Variants in DNAH10 observed in about 807,000 individuals in gnomAD.
DNAH10 encodes the protein axonemal beta dynein heavy chain 10.
In DNAH10, 348 loss-of-function variants were observed where a neutral mutation model predicts 506.6. That is an observed-to-expected ratio of 0.69 (90% CI 0.63 to 0.75). DNAH10 has a LOEUF of 0.75. Among genes scored for constraint, DNAH10 ranks in the 30% least tolerant of loss-of-function variants. The probability of loss-of-function intolerance (pLI) is 0.00; values close to 1 mark genes in which losing one functional copy is unlikely to be tolerated. For synonymous variants in DNAH10, 2,059 were observed against 2,198.6 expected, an observed-to-expected ratio of 0.94 and a Z score of 1.78; for missense variants, 5,179 against 5,787.1, an observed-to-expected ratio of 0.89 and a Z score of 3.41.
At chr12:123,833,685 T>C (rs1459751811) in intron 27 of DNAH10, among the ~76,000 whole-genome samples, 1 of 152,254 alleles carries the variant, frequency 6.6e-6, no homozygotes, top group African/African-American at 2.4e-5. Flanking sequence ...CATACTTATT[T>C]TACATTCCTT....
chr12:123,770,815 G>A (rs1205257586), intron 2 of DNAH10, among the ~76,000 whole-genome samples: 1 of 152,038 alleles, frequency 6.6e-6, no homozygotes, highest in Non-Finnish European at 1.5e-5. Context: ...TGTTCTGAGG[G>A]CTCAGACTTG....
At chr12:123,867,774 T>C in intron 42 of DNAH10, 129 bp from the exon 43 acceptor site, 1 of 1,319,490 alleles carries the variant, frequency 7.6e-7, no homozygotes, top group East Asian at 2.5e-5. Flanking sequence ...GGGTTCCATC[T>C]GTCTGAACCA....
Position 123,826,706 on chromosome 12 carries a change from C to G in DNAH10, c.4199C>G (p.Ser1400Cys). ...EGLKVAKEEWSQTLWINLNVQ... is the reference protein window; with the variant it reads ...EGLKVAKEEWCQTLWINLNVQ... ...TTCCAGGTTGCAAAAGAAGAATGGT[C>G]TCAGACCCTTTGGATCAACCTGAAT... The change falls in exon 25 of 79, where the codon TCT (serine) becomes TGT (cysteine). Residue 1400 changes from serine (S) to cysteine (C), a missense_variant. This residue lies in a region of DNAH10 where 4,844 missense variants were observed against 5,430.5 expected (regional missense o/e 0.89). Coordinates refer to ENST00000673944, the MANE Select transcript of DNAH10 (RefSeq NM_001372106.1). The G allele has an allele frequency of 1.2e-6, 2 of 1,613,574 alleles. No individual in the cohort carries two copies. The highest frequency in any genetic ancestry group is 1.7e-6 in the Non-Finnish European group (2 of 1,179,722).
At position 123,819,067 on chromosome 12, in the gene DNAH10, G is replaced by A; in HGVS notation, c.3897+1G>A. The A allele has an allele frequency of 6.3e-7, 1 of 1,599,662 alleles. No individual in the cohort carries two copies. On this transcript the variant is annotated splice_donor_variant, in intron 22 of 78. Coordinates refer to ENST00000673944, the MANE Select transcript of DNAH10 (RefSeq NM_001372106.1). LOFTEE classifies it high-confidence loss of function. Reference sequence around the variant, plus strand: ...GGACATAAAGAGAACTTTCACAGAGGTACCTTTTAAATTTCACTTCCTGAG... The same window carrying A: ...GGACATAAAGAGAACTTTCACAGAGATACCTTTTAAATTTCACTTCCTGAG...
At chr12:123,897,539 A>G (rs1320334098) in intron 54 of DNAH10, among the ~76,000 whole-genome samples, 3 of 152,160 alleles carry the variant, frequency 2.0e-5, no homozygotes, top group Non-Finnish European at 4.4e-5. Flanking sequence ...CCTGGGCAAC[A>G]TGGGTGAAAC....
At chr12:123,794,365 T>C (rs560059591) in intron 12 of DNAH10, among the ~76,000 whole-genome samples, 4 of 152,352 alleles carry the variant, frequency 2.6e-5, no homozygotes, top group Admixed American at 1.3e-4. Context: ...GTAATAATCA[T>C]GGTAGTAATA....
intron 17 of DNAH10, among the ~76,000 whole-genome samples, chr12:123,804,044 C>A (rs931062873): frequency 1.3e-5 from 2 of 152,146 alleles, no homozygotes; most frequent in East Asian, 3.9e-4. Context: ...TTAACAAATT[C>A]ATGTTTATTT....
At position 123,783,265 on chromosome 12, in the gene DNAH10, G is replaced by A. The variant is rs1257134192; in HGVS notation, c.999+1G>A. The A allele has an allele frequency of 6.2e-7, 1 of 1,613,586 alleles. No individual in the cohort carries two copies. The highest frequency in any genetic ancestry group is 8.5e-7 in the Non-Finnish European group (1 of 1,179,984). On this transcript the variant is annotated splice_donor_variant, in intron 7 of 78. Coordinates refer to ENST00000673944, the MANE Select transcript of DNAH10 (RefSeq NM_001372106.1). LOFTEE classifies it high-confidence loss of function. ...GGCCCAACTGAAGAAGACACCTCAGGTAGTTTGTGCAGGGCTTTCAGAGAG... is the reference window on the plus strand; with the variant it reads ...GGCCCAACTGAAGAAGACACCTCAGATAGTTTGTGCAGGGCTTTCAGAGAG...
rs1952267665 is a variant in DNAH10 at position 123,876,651 on chromosome 12, A to G, written c.8200-1085A>G. ...CTAAAATACATAAAAAAATAAAAAA[A>G]TTAAAAATAAGTAGTAAAATTCACA... On this transcript the variant is annotated intron_variant, in intron 47 of 78. Transcript: ENST00000673944. Among the ~76,000 whole-genome samples the G allele has an allele frequency of 2.6e-5, 4 of 151,872 alleles. No homozygotes were observed. The South Asian group carries it at 8.3e-4, about 32-fold the overall frequency.
chr12:123,855,281 C>T lies in DNAH10; in HGVS notation c.6439-1775C>T, dbSNP rs147364496. Among the ~76,000 whole-genome samples, 139 of 152,202 alleles carry T rather than the reference C, an allele frequency of 9.1e-4. 1 individual carries two copies. The highest frequency in any genetic ancestry group is 3.1e-3 in the African/African-American group (127 of 41,538). ...CCTGTCCTAGGAGACAACATAGAGA[C>T]GCTTGCCAGGTCCTGAGTTCAGAAT... On this transcript the variant is annotated intron_variant, in intron 36 of 78. Transcript: ENST00000673944.
At chr12:123,799,214 A>G in intron 13 of DNAH10, 32 bp from the exon 14 acceptor site, 2 of 1,583,816 alleles carry the variant, frequency 1.3e-6, no homozygotes, top group Non-Finnish European at 1.7e-6. Flanking sequence ...ATTTTCAAGG[A>G]CAAAATGACG....
rs199843226 is a variant in DNAH10 at position 123,913,330 on chromosome 12, C to G, written c.10352+15C>G. The G allele has an allele frequency of 3.8e-6, 6 of 1,565,162 alleles. No individual in the cohort carries two copies. The highest frequency in any genetic ancestry group is 4.3e-6 in the Non-Finnish European group (5 of 1,154,524). ...GAAAACATCAGGTTAGCGCTGCTCA[C>G]GAGCCCACCTGTTGCGGTTTGTAAA... On this transcript the variant is annotated intron_variant, in intron 60 of 78. Transcript: ENST00000673944. This position sits in a 1 kb window ranked among gnomAD's most constrained non-coding sequence, Gnocchi z 5.1.
At chr12:123,876,654 A>T (rs1042603531) in intron 47 of DNAH10, among the ~76,000 whole-genome samples, 4 of 151,950 alleles carry the variant, frequency 2.6e-5, no homozygotes, top group Non-Finnish European at 2.9e-5. Flanking sequence ...TAAAAAAATT[A>T]AAAATAAGTA....
chr12:123,887,393 C>T, intron 52 of DNAH10, 80 bp downstream of exon 52: 1 of 1,479,974 alleles, frequency 6.8e-7, no homozygotes, highest in South Asian at 1.3e-5. Flanking sequence ...GCAGTTACCA[C>T]CTCCAGACAC....
Position 123,806,311 on chromosome 12 carries a change from A to T in DNAH10, c.2987+1271A>T, listed in dbSNP as rs956314878. 2.0e-5 allele frequency among the ~76,000 whole-genome samples: 3 copies of T among 152,034 alleles called. No individual in the cohort carries two copies. The South Asian group carries it at 6.2e-4, about 32-fold the overall frequency. ...CACCTTGCACCATGTTCTGTGCTGG[A>T]CTCTTTCCAATTCTCATCCCTGTTT... On this transcript the variant is annotated intron_variant, in intron 18 of 78. Coordinates refer to ENST00000673944, the MANE Select transcript of DNAH10 (RefSeq NM_001372106.1).
At chr12:123,880,334 A>ATTATTTATTTATTTATTTATTTATTTAT in intron 50 of DNAH10, among the ~76,000 whole-genome samples, 1 of 152,040 alleles carries the variant, frequency 6.6e-6, no homozygotes, top group African/African-American at 2.4e-5. Context: ...CCTTTAAGAC[A>ATTATTTATTTATTTATTTATTTATTTAT]TTATTTATTT....
intron 1 of DNAH10, among the ~76,000 whole-genome samples, chr12:123,766,221 A>G (rs774446213): frequency 1.3e-5 from 2 of 151,682 alleles, no homozygotes; most frequent in South Asian, 2.1e-4. Flanking sequence ...CTGTTTATCT[A>G]TCTGTCTGTC....
In DNAH10 at chr12:123,924,057, C is replaced by T. The variant is rs1348943094; in HGVS notation, c.11611+190C>T. 2.0e-5 allele frequency: 15 copies of T among 732,958 alleles called. 1 individual carries two copies. The highest frequency in any genetic ancestry group is 3.3e-5 in the Non-Finnish European group (15 of 460,650). The allele number at this position is 732,958 out of a possible 1,614,324, so 45.4% of individuals were successfully genotyped here. A position where few individuals can be genotyped will look rare whatever the true frequency, so the allele number is the denominator to read the frequency against. ...TGGCTCTGGTTGAAATCGGAGCAGC[C>T]AGCCTCTGTCTCGGGGCCATCCTGA... is the stretch of plus-strand genomic sequence containing the variant. On this transcript the variant is annotated intron_variant, in intron 66 of 78. Transcript: ENST00000673944.
chr12:123,896,148 C>CACACATAGAGAG (rs1383690518), intron 54 of DNAH10, among the ~76,000 whole-genome samples: 17 of 95,324 alleles, frequency 1.8e-4, no homozygotes, highest in Middle Eastern at 5.4e-3. Flanking sequence ...CACACACACA[C>CACACATAGAGAG]AGAGAGAGAG....
Sources: allele counts gnomAD v4.1 joint callset (sites outside exome capture counted in the v4.1 genomes callset), GRCh38; gene constraint gnomAD v4.1.1; regional missense constraint gnomAD v4.1.1; non-coding constraint Gnocchi (gnomAD v3.1); transcripts MANE v1.5; gene names NCBI Gene and HGNC (gene_info 2026-07-23, HGNC 2026-07-21).